The following RIMS2 variants were observed in gnomAD, a reference collection of about 807,000 sequenced individuals.
The protein encoded by RIMS2 is regulating synaptic membrane exocytosis protein 2.
In RIMS2, 59 loss-of-function variants were observed where a neutral mutation model predicts 174.4. The ratio of observed to expected loss-of-function variants is 0.34; its 90% CI spans 0.27 to 0.42. The LOEUF (loss-of-function observed/expected upper bound fraction) is 0.42, where lower values mean the gene tolerates loss of function less well. Among genes scored for constraint, RIMS2 ranks in the 10% least tolerant of loss-of-function variants. The pLI, the probability that RIMS2 is intolerant of heterozygous loss-of-function variation, is 1.00. For missense variants in RIMS2, 1,620 were observed against 1,666.3 expected, an observed-to-expected ratio of 0.97 and a Z score of 0.48; for synonymous variants, 606 against 572.5, an observed-to-expected ratio of 1.06 and a Z score of -0.84.
chr8:103,604,749 C>T (rs1055669405), intron 1 of RIMS2, among the ~76,000 whole-genome samples: 20 of 127,902 alleles, frequency 1.6e-4, no homozygotes, highest in Middle Eastern at 3.6e-3. Context: ...GTATTTTATT[C>T]TCTTTGAAGC....
chr8:103,873,586 ATGTGGTTTGT>A, intron 3 of RIMS2, among the ~76,000 whole-genome samples: 1 of 152,244 alleles, frequency 6.6e-6, no homozygotes, highest in Non-Finnish European at 1.5e-5. Context: ...AACATGTGGC[ATGTGGTTTGT>A]TGTTATCTCT....
intron 2 of RIMS2, among the ~76,000 whole-genome samples, chr8:103,719,384 C>T (rs1051683464): frequency 7.2e-5 from 11 of 152,162 alleles, no homozygotes; most frequent in Admixed American, 5.9e-4. Context: ...ATGCAGTATG[C>T]AGCAGGGAAG....
intron 13 of RIMS2, among the ~76,000 whole-genome samples, chr8:103,940,107 G>A (rs555800689): frequency 6.6e-6 from 1 of 152,208 alleles, no homozygotes; most frequent in Admixed American, 6.5e-5. Context: ...TTTTTTAGCA[G>A]TGTCTCACTG....
intron 19 of RIMS2, among the ~76,000 whole-genome samples, chr8:104,022,632 C>T (rs985668849): frequency 2.0e-5 from 3 of 152,128 alleles, no homozygotes; most frequent in Non-Finnish European, 1.5e-5. Context: ...CCTCCCGCCT[C>T]GTCTCGGCCT....
intron 11 of RIMS2, among the ~76,000 whole-genome samples, chr8:103,928,274 T>C (rs1018267769): frequency 1.5e-4 from 22 of 151,578 alleles, no homozygotes; most frequent in Non-Finnish European, 2.2e-4. Context: ...ATTATGTCAC[T>C]TAACATCTAT....
At chr8:103,950,140 C>T (rs2084972708) in intron 14 of RIMS2, among the ~76,000 whole-genome samples, 1 of 151,880 alleles carries the variant, frequency 6.6e-6, no homozygotes, top group South Asian at 2.1e-4. Flanking sequence ...AAAAATTTTC[C>T]CTCAAAAAAA....
At chr8:103,600,619 T>C (rs2094690634) in intron 1 of RIMS2, among the ~76,000 whole-genome samples, 1 of 152,224 alleles carries the variant, frequency 6.6e-6, no homozygotes, top group African/African-American at 2.4e-5. Context: ...AGGTTGCTTG[T>C]AAATCTTGTT....
intron 19 of RIMS2, among the ~76,000 whole-genome samples, chr8:104,235,381 C>T (rs2099252871): frequency 6.6e-6 from 1 of 152,042 alleles, no homozygotes; most frequent in Non-Finnish European, 1.5e-5. Flanking sequence ...GCACTTTCCT[C>T]ATATGGAAAA....
chr8:103,863,594 G>GT (rs149904696), intron 3 of RIMS2, among the ~76,000 whole-genome samples: 18,636 of 148,158 alleles, frequency 0.13, 1,232 homozygotes, highest in Middle Eastern at 0.23. Flanking sequence ...ATTGTTGGAA[G>GT]TTTTTTTTTT....
chr8:103,732,190 C>T (rs1564438048), intron 2 of RIMS2, among the ~76,000 whole-genome samples: 2 of 152,324 alleles, frequency 1.3e-5, no homozygotes, highest in East Asian at 3.9e-4. Flanking sequence ...GTGACTCTAA[C>T]AGACTCACCG....
At chr8:103,611,191 C>G (rs1804860515) in intron 1 of RIMS2, among the ~76,000 whole-genome samples, 1 of 151,384 alleles carries the variant, frequency 6.6e-6, no homozygotes, top group South Asian at 2.1e-4. Context: ...GGTCATTTAC[C>G]CTTTGTCATT....
intron 1 of RIMS2, among the ~76,000 whole-genome samples, chr8:103,622,810 C>T (rs776080702): frequency 6.6e-6 from 1 of 152,128 alleles, no homozygotes; most frequent in Non-Finnish European, 1.5e-5. Flanking sequence ...TCTAGTCACT[C>T]GGGCATTTGC....
intron 19 of RIMS2, among the ~76,000 whole-genome samples, chr8:104,164,309 G>C (rs1031682538): frequency 6.6e-6 from 1 of 152,054 alleles, no homozygotes; most frequent in African/African-American, 2.4e-5. Context: ...GTTTGATAAA[G>C]TTCTGCTTCA....
chr8:104,250,932 C>A, intron 22 of RIMS2, 92 bp from the exon 29 acceptor site: 3 of 1,141,116 alleles, frequency 2.6e-6, no homozygotes, highest in Non-Finnish European at 1.3e-6. Context: ...CTCTTTCAGC[C>A]AAAGATTACT....
At chr8:103,587,409 G>C (rs3134259) in intron 1 of RIMS2, among the ~76,000 whole-genome samples, 1 of 117,044 alleles carries the variant, frequency 8.5e-6, no homozygotes, top group African/African-American at 3.2e-5. Flanking sequence ...GAAGAAAAAA[G>C]AAGAAAGAAA....
At chr8:104,068,796 A>T (rs1322376846) in intron 19 of RIMS2, among the ~76,000 whole-genome samples, 184 bp downstream of exon 23, 7 of 152,206 alleles carry the variant, frequency 4.6e-5, no homozygotes, top group Non-Finnish European at 1.0e-4. Context: ...TGCCTTACTT[A>T]AAAAAACTAT....
intron 15 of RIMS2, among the ~76,000 whole-genome samples, 189 bp downstream of exon 17, chr8:103,961,322 T>C (rs117485780): frequency 1.3e-5 from 2 of 152,256 alleles, no homozygotes; most frequent in East Asian, 1.9e-4. Flanking sequence ...ACCAATTAGA[T>C]TGGATAGTCT....
At chr8:103,888,131 C>T (rs79153912) in intron 4 of RIMS2, among the ~76,000 whole-genome samples, 24,804 of 151,008 alleles carry the variant, frequency 0.16, 2,164 homozygotes, top group Middle Eastern at 0.26. Flanking sequence ...TTGGACATAT[C>T]GGTGAAATTC....
At chr8:103,852,167 A>G (rs1469973613) in intron 3 of RIMS2, among the ~76,000 whole-genome samples, 2 of 151,986 alleles carry the variant, frequency 1.3e-5, no homozygotes, top group Non-Finnish European at 2.9e-5. Context: ...TTTTTCTCTT[A>G]TGTCAGAAAA....
Sources: gnomAD v4.1 joint callset for allele counts (sites outside exome capture counted in the v4.1 genomes callset) on GRCh38, gnomAD v4.1.1 for gene constraint, MANE v1.5 for transcripts, NCBI Gene and HGNC (gene_info 2026-07-23, HGNC 2026-07-21) for gene names.